Variants in GRM4 observed in about 807,000 individuals in gnomAD.
GRM4 encodes glutamate metabotropic receptor 4.
A neutral mutation model predicts 81.7 loss-of-function variants in GRM4; 28 were observed. The ratio of observed to expected loss-of-function variants is 0.34; its 90% CI spans 0.25 to 0.47. GRM4 has a LOEUF of 0.47. GRM4 is among the 20% of genes least tolerant of loss of function. The pLI, the probability that GRM4 is intolerant of heterozygous loss-of-function variation, is 1.00. For synonymous variants in GRM4, 488 were observed against 528.8 expected, an observed-to-expected ratio of 0.92 and a Z score of 1.06; for missense variants, 948 against 1,290.0, an observed-to-expected ratio of 0.73 and a Z score of 4.06.
Position 34,059,232 on chromosome 6 carries a change from C to T in GRM4, c.873-104G>A. ...GCCCACGTCCCTCACCCCCAGAAGC[C>T]CAGGGTCCACAACTGTCCCAGCACC... On this transcript the variant is annotated intron_variant, in intron 4 of 10. Coordinates refer to ENST00000538487, the MANE Select transcript of GRM4 (RefSeq NM_000841.4). This position sits in a 1 kb window ranked among gnomAD's most constrained non-coding sequence, Gnocchi z 5.7. 1 of 1,023,194 alleles carries T rather than the reference C, an allele frequency of 9.8e-7. No individual in the cohort carries two copies. Among genetic ancestry groups the T allele is most frequent in the Non-Finnish European group, 1.5e-6 (1 of 680,672 alleles). The allele number at this position is 1,023,194 out of a possible 1,614,324, so 63.4% of individuals were successfully genotyped here. A position where few individuals can be genotyped will look rare whatever the true frequency, so the allele number is the denominator to read the frequency against.
rs146852230 is a variant in GRM4 at position 34,128,137 on chromosome 6, G to C, written c.519+4841C>G. Among the ~76,000 whole-genome samples, 9 of 152,318 alleles carry C rather than the reference G, an allele frequency of 5.9e-5. No homozygotes were observed. The South Asian group carries it at 1.0e-3, about 18-fold the overall frequency. ...GTTGTCTGCTCGGTCTCAACACTGAGTGCTGCACTCGTGGCAGGAAGACGC... is the reference window on the plus strand; with the variant it reads ...GTTGTCTGCTCGGTCTCAACACTGACTGCTGCACTCGTGGCAGGAAGACGC... On this transcript the variant is annotated intron_variant, in intron 2 of 10. Coordinates refer to ENST00000538487, the MANE Select transcript of GRM4 (RefSeq NM_000841.4).
intron 2 of GRM4, among the ~76,000 whole-genome samples, chr6:34,128,791 C>G (rs1488331482): frequency 6.6e-6 from 1 of 152,156 alleles, no homozygotes; most frequent in Non-Finnish European, 1.5e-5. Context: ...CCAGGGTGGT[C>G]AGACCTCAGG....
In GRM4 at chr6:34,059,185, C is replaced by T; in HGVS notation, c.873-57G>A. 1 of 1,535,834 alleles carries T rather than the reference C, an allele frequency of 6.5e-7. No individual in the cohort carries two copies. Among genetic ancestry groups the T allele is most frequent in the Non-Finnish European group, 9.0e-7 (1 of 1,116,610 alleles). ...GCGTCTGTCCACGAAACTGCCCCCACTCCTGGCCACACTTGCTTTGGGCCC... is the reference window on the plus strand; with the variant it reads ...GCGTCTGTCCACGAAACTGCCCCCATTCCTGGCCACACTTGCTTTGGGCCC... On this transcript the variant is annotated intron_variant, in intron 4 of 10. Transcript: ENST00000538487. This position sits in a 1 kb window ranked among gnomAD's most constrained non-coding sequence, Gnocchi z 5.7.
At chr6:34,154,876 C>A (rs533633431) in intron 1 of GRM4, among the ~76,000 whole-genome samples, 158 of 152,326 alleles carry the variant, frequency 1.0e-3, no homozygotes, top group African/African-American at 3.6e-3. Context: ...CGCGCCCGAG[C>A]GCGAGCCTAG....
chr6:34,057,942 C>T (rs1765990068), intron 5 of GRM4, among the ~76,000 whole-genome samples: 1 of 152,070 alleles, frequency 6.6e-6, no homozygotes. Flanking sequence ...GGTATGGAAA[C>T]TCTCGCTATG....
Position 34,028,292 on chromosome 6 carries a change from C to T in GRM4, c.2517G>A (p.Met839Ile). Reference sequence around the variant, plus strand: ...GGAAGAGGATGATGTAGACTTTGGGCATGTAGAGCATTCCCAGGGACACCG... The same window carrying T: ...GGAAGAGGATGATGTAGACTTTGGGTATGTAGAGCATTCCCAGGGACACCG... ...SASVSLGMLYMPKVYIILFHP... is the reference protein window; with the variant it reads ...SASVSLGMLYIPKVYIILFHP... The change falls in exon 10 of 11, where the codon ATG becomes ATA. Residue 839 changes from methionine to isoleucine, a missense_variant. Physicochemically the swap from Met to Ile is conservative, Grantham distance 10 (BLOSUM62 1). Coordinates refer to ENST00000538487, the MANE Select transcript of GRM4 (RefSeq NM_000841.4). The T allele has an allele frequency of 1.2e-6, 2 of 1,613,672 alleles. No individual in the cohort carries two copies. The highest frequency in any genetic ancestry group is 1.7e-6 in the Non-Finnish European group (2 of 1,179,824).
In GRM4 at chr6:34,089,634, G is replaced by A. The variant is rs759708689; in HGVS notation, c.736+2249C>T. Among the ~76,000 whole-genome samples, 1 of 152,064 alleles carries A rather than the reference G, an allele frequency of 6.6e-6. No homozygotes were observed. The highest frequency in any genetic ancestry group is 2.4e-5 in the African/African-American group (1 of 41,406). ...GCCTCTGCCAGGACAGGAGTGCCCC[G>A]AGCTGGAGGCCCTTGCATAATGGCA... On this transcript the variant is annotated intron_variant, in intron 3 of 10. Coordinates refer to ENST00000538487, the MANE Select transcript of GRM4 (RefSeq NM_000841.4). This position sits in a 1 kb window ranked among gnomAD's most constrained non-coding sequence, Gnocchi z 4.3.
chr6:34,143,103 G>T (rs2026490), intron 1 of GRM4, among the ~76,000 whole-genome samples: 1 of 152,188 alleles, frequency 6.6e-6, no homozygotes, highest in African/African-American at 2.4e-5. Flanking sequence ...GCTAAGGTGC[G>T]GGGTGTGGGG....
intron 2 of GRM4, among the ~76,000 whole-genome samples, chr6:34,128,862 C>G (rs958674829): frequency 6.6e-6 from 1 of 152,158 alleles, no homozygotes; most frequent in African/African-American, 2.4e-5. Flanking sequence ...CTTCTCCAAG[C>G]CTTAGCTTCT....
intron 2 of GRM4, among the ~76,000 whole-genome samples, chr6:34,122,254 G>A (rs1015939844): frequency 1.3e-5 from 2 of 152,078 alleles, no homozygotes; most frequent in Admixed American, 1.3e-4. Context: ...CAGGCACCAG[G>A]GGGAAGAAAG....
intron 3 of GRM4, among the ~76,000 whole-genome samples, chr6:34,075,898 T>C (rs1767287498): frequency 6.6e-6 from 1 of 152,224 alleles, no homozygotes; most frequent in African/African-American, 2.4e-5. Flanking sequence ...GAAATGAACC[T>C]AGTTTCTGAC....
chr6:34,147,453 G>A (rs1197412733), upstream of GRM4, among the ~76,000 whole-genome samples: 1 of 152,212 alleles, frequency 6.6e-6, no homozygotes, highest in African/African-American at 2.4e-5. Context: ...GAGAGGCAGT[G>A]TTCTTGGGAA....
intron 2 of GRM4, chr6:34,100,184 G>C: frequency 3.7e-6 from 1 of 270,930 alleles, no homozygotes; most frequent in Non-Finnish European, 5.7e-6. Flanking sequence ...GGCCAGCCCA[G>C]ACTCAGCCTT....
rs1012673155 is a variant in GRM4 at position 34,115,753 on chromosome 6, G to A, written c.519+17225C>T. 9.2e-5 allele frequency among the ~76,000 whole-genome samples: 14 copies of A among 152,130 alleles called. No homozygotes were observed. The highest frequency in any genetic ancestry group is 1.9e-4 in the African/African-American group (8 of 41,428). On this transcript the variant is annotated intron_variant, in intron 2 of 10. Transcript: ENST00000538487. This position sits in a 1 kb window ranked among gnomAD's most constrained non-coding sequence, Gnocchi z 4.1. ...CAGCGCGAGGCTGGAGGAGGAGTTC[G>A]AGGTTCTCACCCCAGCTCTTCAGGC...
intron 3 of GRM4, among the ~76,000 whole-genome samples, chr6:34,072,362 C>CA (rs1766960086): frequency 7.4e-6 from 1 of 135,558 alleles, no homozygotes; most frequent in African/African-American, 2.8e-5. Flanking sequence ...ACACACACAT[C>CA]CTTACATCAC....
intron 3 of GRM4, among the ~76,000 whole-genome samples, chr6:34,077,153 C>A (rs1767355731): frequency 6.6e-6 from 1 of 152,122 alleles, no homozygotes; most frequent in South Asian, 2.1e-4. Flanking sequence ...TTGTGATAAT[C>A]CAAAGTGCCC....
At chr6:34,076,491 A>C (rs2499695) in intron 3 of GRM4, among the ~76,000 whole-genome samples, 1 of 152,150 alleles carries the variant, frequency 6.6e-6, no homozygotes, top group Non-Finnish European at 1.5e-5. Flanking sequence ...ATAACCAGAC[A>C]ATCCCTTCAC....
In GRM4 at chr6:34,035,088, A is replaced by T. The variant is rs1764619444; in HGVS notation, c.2442+580T>A. On this transcript the variant is annotated intron_variant, in intron 9 of 10. Coordinates refer to ENST00000538487, the MANE Select transcript of GRM4 (RefSeq NM_000841.4). This position sits in a 1 kb window ranked among gnomAD's most constrained non-coding sequence, Gnocchi z 6.6. ...AGGGGGGTCCCATGGGGATCTTGTG[A>T]GGGGTAGATGGAGGAGGGAGAAGAG... 6.6e-6 allele frequency among the ~76,000 whole-genome samples: 1 copy of T among 151,954 alleles called. No homozygotes were observed. The highest frequency in any genetic ancestry group is 1.5e-5 in the Non-Finnish European group (1 of 67,998).
At chr6:34,127,634 G>C (rs1581724703) in intron 2 of GRM4, among the ~76,000 whole-genome samples, 1 of 152,196 alleles carries the variant, frequency 6.6e-6, no homozygotes, top group Admixed American at 6.5e-5. Context: ...TGGAGGCAGG[G>C]AGAGGAAAGA....
Sources: allele counts gnomAD v4.1 joint callset (sites outside exome capture counted in the v4.1 genomes callset), GRCh38; gene constraint gnomAD v4.1.1; non-coding constraint Gnocchi (gnomAD v3.1); transcripts MANE v1.5; gene names NCBI Gene and HGNC (gene_info 2026-07-23, HGNC 2026-07-21).